The following PTGIS variants were observed in gnomAD, a reference collection of about 807,000 sequenced individuals.
PTGIS encodes prostaglandin I2 synthase.
PTGIS carries 45 observed loss-of-function variants against 50.3 expected under a neutral mutation model. That is an observed-to-expected ratio of 0.90 (90% CI 0.70 to 1.15). The LOEUF (loss-of-function observed/expected upper bound fraction) is 1.15, where lower values mean the gene tolerates loss of function less well. PTGIS is among the 50% of genes most tolerant of loss of function. PTGIS has a pLI of 0.00. For missense variants in PTGIS, 668 were observed against 661.3 expected, an observed-to-expected ratio of 1.01 and a Z score of -0.11; for synonymous variants, 260 against 267.7, an observed-to-expected ratio of 0.97 and a Z score of 0.28.
rs1981203040 is a variant in PTGIS at position 49,508,053 on chromosome 20, A to G, written c.1370T>C (p.Leu457Pro). 1 of 1,613,780 alleles carries G rather than the reference A, an allele frequency of 6.2e-7. No homozygotes were observed. The highest frequency in any genetic ancestry group is 1.1e-5 in the South Asian group (1 of 91,086). The change falls in exon 10 of 10, where the codon CTT becomes CCT. Residue 457 changes from leucine (L) to proline (P), a missense_variant. Leu to Pro is a moderately conservative substitution (Grantham distance 98). Transcript: ENST00000244043. ...AVNSIKQFVFLVLVHLDLELI... is the reference protein window; with the variant it reads ...AVNSIKQFVFPVLVHLDLELI... ...CTCCAAGTCCAAGTGCACCAGCACA[A>G]GGAACACAAATCTGCAGAGAGATGG...
In PTGIS at chr20:49,506,366, T is replaced by C. The variant is rs1981151431; in HGVS notation, c.*1554A>G. 3 of 152,120 alleles carry C rather than the reference T, an allele frequency of 2.0e-5. No homozygotes were observed. In the South Asian group the frequency reaches 6.2e-4, roughly 32 times the overall value. 9.4% of individuals were successfully genotyped at this position (152,120 alleles called of 1,614,324 possible). ...GCAGGCCATTTTTCTCTTTAAGCTG[T>C]TTTTTATTTTAATTAATTATTTATT... On this transcript the variant is annotated 3_prime_UTR_variant, in exon 10 of 10. Coordinates refer to ENST00000244043, the MANE Select transcript of PTGIS (RefSeq NM_000961.4).
At chr20:49,552,747 C>A (rs527503684) in intron 1 of PTGIS, among the ~76,000 whole-genome samples, 1 of 152,132 alleles carries the variant, frequency 6.6e-6, no homozygotes, top group Non-Finnish European at 1.5e-5. Context: ...CAGAAAGTCA[C>A]ATGGATGTAA....
intron 5 of PTGIS, among the ~76,000 whole-genome samples, chr20:49,537,680 G>C (rs141087735): frequency 4.6e-5 from 7 of 152,100 alleles, no homozygotes; most frequent in Non-Finnish European, 1.0e-4. Context: ...GCTTGACCCC[G>C]GGAAGCAGAG....
intron 3 of PTGIS, 38 bp from the exon 4 acceptor site, chr20:49,544,486 A>G: frequency 6.2e-7 from 1 of 1,613,396 alleles, no homozygotes; most frequent in Non-Finnish European, 8.5e-7. Flanking sequence ...TTTGGCTTCC[A>G]AAGGGAAATA....
chr20:49,549,640 G>C (rs1982453930), intron 2 of PTGIS, among the ~76,000 whole-genome samples: 1 of 152,200 alleles, frequency 6.6e-6, no homozygotes, highest in Non-Finnish European at 1.5e-5. Flanking sequence ...AAAAACTGAT[G>C]GGTGAGTGGA....
chr20:49,513,292 C>T (rs1233291485), intron 7 of PTGIS, 31 bp from the exon 8 acceptor site: 3 of 1,604,042 alleles, frequency 1.9e-6, no homozygotes, highest in African/African-American at 1.3e-5. Flanking sequence ...GAAGAGTCAG[C>T]GGGCTATCCC....
At chr20:49,551,794 ATGTGTATGTGTTTGTGTGTGTGTGTG>A (rs1568684132) in intron 1 of PTGIS, among the ~76,000 whole-genome samples, 1 of 135,330 alleles carries the variant, frequency 7.4e-6, no homozygotes, top group East Asian at 2.2e-4. Context: ...GTGTGTATGC[ATGTGTATGTGTTTGTGTGTGTGTGTG>A]TGTGTGTGTG....
intron 4 of PTGIS, 35 bp downstream of exon 4, chr20:49,544,270 G>C (rs1982300405): frequency 1.2e-6 from 2 of 1,612,680 alleles, no homozygotes; most frequent in Admixed American, 1.7e-5. Flanking sequence ...AAAGTGCCGG[G>C]CCCCAGCAGG....
At chr20:49,510,359 A>G (rs1981280815) in intron 9 of PTGIS, among the ~76,000 whole-genome samples, 1 of 152,230 alleles carries the variant, frequency 6.6e-6, no homozygotes, top group South Asian at 2.1e-4. Context: ...GGTAATAATT[A>G]ACATTTTTCA....
chr20:49,532,054 T>C (rs1228512175), intron 5 of PTGIS, among the ~76,000 whole-genome samples: 1 of 152,130 alleles, frequency 6.6e-6, no homozygotes, highest in Non-Finnish European at 1.5e-5. Flanking sequence ...ACATTTAATA[T>C]AGGGTAGGGG....
At chr20:49,557,122 T>C (rs892684924) in intron 1 of PTGIS, among the ~76,000 whole-genome samples, 2 of 152,220 alleles carry the variant, frequency 1.3e-5, no homozygotes, top group African/African-American at 4.8e-5. Flanking sequence ...GTTTTCTTTC[T>C]CTCTTATTTT....
intron 4 of PTGIS, 31 bp from the exon 5 acceptor site, chr20:49,539,752 C>T: frequency 4.4e-6 from 7 of 1,600,594 alleles, no homozygotes; most frequent in Non-Finnish European, 5.9e-6. Flanking sequence ...GTCAGGGGTC[C>T]TCCTGGGACA....
In PTGIS at chr20:49,507,778, C is replaced by G; in HGVS notation, c.*142G>C. ...CTCTTAGCTTTTCCCTCCCCTGGAC[C>G]CAGCCTTCTGGGAGAAAAGCAGGGA... On this transcript the variant is annotated 3_prime_UTR_variant, in exon 10 of 10. Coordinates refer to ENST00000244043, the MANE Select transcript of PTGIS (RefSeq NM_000961.4). 1 of 1,178,904 alleles carries G rather than the reference C, an allele frequency of 8.5e-7. No individual in the cohort carries two copies. Among genetic ancestry groups the G allele is most frequent in the Non-Finnish European group, 1.2e-6 (1 of 822,846 alleles). The allele number at this position is 1,178,904 out of a possible 1,614,324, so 73.0% of individuals were successfully genotyped here. A position where few individuals can be genotyped will look rare whatever the true frequency, so the allele number is the denominator to read the frequency against.
At chr20:49,554,430 GT>G (rs1982578135) in intron 1 of PTGIS, among the ~76,000 whole-genome samples, 4 of 152,238 alleles carry the variant, frequency 2.6e-5, no homozygotes, top group African/African-American at 9.6e-5. Flanking sequence ...TTTCTGTAAT[GT>G]TTTTAAAGTC....
At chr20:49,528,625 AAAAC>A (rs1194530960) in intron 5 of PTGIS, among the ~76,000 whole-genome samples, 1 of 152,078 alleles carries the variant, frequency 6.6e-6, no homozygotes, top group Non-Finnish European at 1.5e-5. Flanking sequence ...CTCTGTCTCA[AAAAC>A]AAAAAAAATA....
At position 49,508,020 on chromosome 20, in the gene PTGIS, T is replaced by C. The variant is rs754700273; in HGVS notation, c.1403A>G (p.Asn468Ser). The change falls in exon 10 of 10, where the codon AAC becomes AGC. Residue 468 changes from asparagine (N) to serine (S), a missense_variant. Coordinates refer to ENST00000244043, the MANE Select transcript of PTGIS (RefSeq NM_000961.4). ...AAACTCAGGGATCTCCACATCTGCG[T>C]TGATCAGCTCCAAGTCCAAGTGCAC... Reference protein sequence around the residue: ...VLVHLDLELINADVEIPEFDL... With the variant: ...VLVHLDLELISADVEIPEFDL... 34 of 1,613,868 alleles carry C rather than the reference T, an allele frequency of 2.1e-5. No homozygotes were observed. Among genetic ancestry groups the C allele is most frequent in the South Asian group, 2.2e-5 (2 of 91,082 alleles).
At chr20:49,556,873 T>G (rs1254308800) in intron 1 of PTGIS, among the ~76,000 whole-genome samples, 2 of 152,192 alleles carry the variant, frequency 1.3e-5, no homozygotes, top group Non-Finnish European at 2.9e-5. Context: ...TCCCTTCTTT[T>G]TTTTTTCCTC....
intron 2 of PTGIS, among the ~76,000 whole-genome samples, chr20:49,549,094 G>A (rs925006248): frequency 7.9e-5 from 12 of 152,180 alleles, no homozygotes; most frequent in African/African-American, 2.9e-4. Flanking sequence ...ATATAGCTGA[G>A]TGTTGGGTGG....
intron 1 of PTGIS, 116 bp from the exon 2 acceptor site, chr20:49,550,305 C>T: frequency 1.5e-6 from 2 of 1,364,962 alleles, no homozygotes; most frequent in Non-Finnish European, 2.1e-6. Context: ...GAATGGAGCA[C>T]TCGGGGACTA....
Sources: allele counts gnomAD v4.1 joint callset (sites outside exome capture counted in the v4.1 genomes callset), GRCh38; gene constraint gnomAD v4.1.1; transcripts MANE v1.5; gene names NCBI Gene and HGNC (gene_info 2026-07-23, HGNC 2026-07-21).